Variants in RANBP2 observed in about 807,000 individuals in gnomAD.
RANBP2 encodes the protein E3 SUMO-protein ligase RanBP2.
A neutral mutation model predicts 303.6 loss-of-function variants in RANBP2; 57 were observed. The ratio of observed to expected loss-of-function variants is 0.19; its 90% confidence interval spans 0.15 to 0.23. The LOEUF is 0.23. Ranked by LOEUF, RANBP2 falls within the 10% of genes least tolerant of loss-of-function variation. RANBP2 has a pLI of 1.00. For missense variants in RANBP2, 3,138 were observed against 3,780.8 expected, an observed-to-expected ratio of 0.83 and a Z score of 4.46; for synonymous variants, 1,167 against 1,301.5, an observed-to-expected ratio of 0.90 and a Z score of 2.23.
At chr2:109,498,533 G>A in the RANBP2 span, among the ~76,000 whole-genome samples, 7 of 152,228 alleles carry the variant, frequency 4.6e-5, no homozygotes, top group African/African-American at 1.7e-4. Flanking sequence ...AACACGTGGG[G>A]TGGGGAAGGG....
the RANBP2 span, among the ~76,000 whole-genome samples, chr2:109,077,346 GA>G: frequency 6.6e-6 from 1 of 150,542 alleles, no homozygotes; most frequent in African/African-American, 2.4e-5. Flanking sequence ...TTTTGATAAA[GA>G]TTTTTATGAT....
chr2:109,509,202 A>C, the RANBP2 span, among the ~76,000 whole-genome samples: 1 of 152,050 alleles, frequency 6.6e-6, no homozygotes, highest in African/African-American at 2.4e-5. Flanking sequence ...AGGCAAGAGG[A>C]CCCACCTCAT....
At chr2:109,289,566 G>A in the RANBP2 span, among the ~76,000 whole-genome samples, 2,864 of 152,286 alleles carry the variant, frequency 0.019, 75 homozygotes, top group African/African-American at 0.066. Flanking sequence ...CCATGGTGTA[G>A]CACTGGGATA....
chr2:108,798,648 G>C, the RANBP2 span: 5 of 1,312,464 alleles, frequency 3.8e-6, no homozygotes, highest in Non-Finnish European at 5.3e-6. Flanking sequence ...AGATTCACTA[G>C]TTACTAACAT....
At chr2:109,079,175 C>G in the RANBP2 span, among the ~76,000 whole-genome samples, 1 of 152,164 alleles carries the variant, frequency 6.6e-6, no homozygotes, top group Non-Finnish European at 1.5e-5. Context: ...CCTCCTCCCC[C>G]TCAACTAAAG....
the RANBP2 span, chr2:109,665,343 GTT>G: frequency 8.7e-4 from 106 of 122,072 alleles, no homozygotes; most frequent in African/African-American, 1.1e-3. Context: ...TCGCAAGCAG[GTT>G]TTTTTTTTTT....
the RANBP2 span, among the ~76,000 whole-genome samples, chr2:108,999,682 A>G: frequency 6.6e-6 from 1 of 152,126 alleles, no homozygotes; most frequent in Non-Finnish European, 1.5e-5. Flanking sequence ...CACATTTCCT[A>G]AATATGTGTG....
chr2:109,525,876 T>C, the RANBP2 span, among the ~76,000 whole-genome samples: 4 of 152,152 alleles, frequency 2.6e-5, no homozygotes, highest in African/African-American at 9.7e-5. Flanking sequence ...GTCCTACCAT[T>C]GTCATTGGAA....
the RANBP2 span, among the ~76,000 whole-genome samples, chr2:109,066,396 C>T: frequency 6.6e-6 from 1 of 152,176 alleles, no homozygotes; most frequent in Non-Finnish European, 1.5e-5. Flanking sequence ...CGTGAGCCAC[C>T]GTGCTGGCCG....
chr2:109,241,616 C>A, the RANBP2 span, among the ~76,000 whole-genome samples: 2 of 152,114 alleles, frequency 1.3e-5, no homozygotes, highest in East Asian at 3.9e-4. Flanking sequence ...GTCAGCTCTG[C>A]TGGGAGGGCC....
At chr2:109,190,254 A>G in the RANBP2 span, among the ~76,000 whole-genome samples, 2 of 151,982 alleles carry the variant, frequency 1.3e-5, no homozygotes, top group African/African-American at 4.8e-5. Context: ...GCCCACTGCA[A>G]CCTCCGCCTC....
chr2:109,638,203 T>G, the RANBP2 span, among the ~76,000 whole-genome samples: 1 of 151,610 alleles, frequency 6.6e-6, no homozygotes, highest in Non-Finnish European at 1.5e-5. Flanking sequence ...ACATGGGAGG[T>G]CTTTGTGCTC....
the RANBP2 span, among the ~76,000 whole-genome samples, chr2:108,878,942 T>C: frequency 2.6e-5 from 4 of 152,146 alleles, no homozygotes; most frequent in South Asian, 2.1e-4. Context: ...AAATGAAATA[T>C]ATAGATATAG....
chr2:109,585,978 G>A, the RANBP2 span: 12,065 of 615,638 alleles, frequency 0.02, 703 homozygotes, highest in African/African-American at 0.16. Context: ...AGATACAAGC[G>A]ATTAAGTAAA....
the RANBP2 span, chr2:109,564,387 C>G: frequency 6.4e-7 from 1 of 1,574,680 alleles, no homozygotes; most frequent in Non-Finnish European, 8.6e-7. Flanking sequence ...GTTTTCTGGG[C>G]CCACATCTGT....
At chr2:109,676,069 A>C in the RANBP2 span, among the ~76,000 whole-genome samples, 1 of 152,230 alleles carries the variant, frequency 6.6e-6, no homozygotes, top group Non-Finnish European at 1.5e-5. Context: ...GCTCCTTGTA[A>C]CATCCATCAG....
At chr2:109,591,442 TACTAGTG>T in the RANBP2 span, among the ~76,000 whole-genome samples, 1 of 152,146 alleles carries the variant, frequency 6.6e-6, no homozygotes, top group Non-Finnish European at 1.5e-5. Context: ...CACTAAAGAT[TACTAGTG>T]ACTCTGACAG....
At chr2:108,895,130 G>T in the RANBP2 span, 2 of 152,568 alleles carry the variant, frequency 1.3e-5, no homozygotes, top group East Asian at 3.8e-4. Flanking sequence ...AACCAAATAG[G>T]TTCGAAAAAC....
At chr2:109,629,333 ATATATATATATATATATATATAT>A in the RANBP2 span, among the ~76,000 whole-genome samples, 338 of 10,568 alleles carry the variant, frequency 0.032, 18 homozygotes, top group South Asian at 0.11. Flanking sequence ...ATATATATAT[ATATATATATATATATATATATAT>A]TTTTTTTTTT....
Sources: gnomAD v4.1 joint callset for allele counts (sites outside exome capture counted in the v4.1 genomes callset) on GRCh38, gnomAD v4.1.1 for gene constraint, MANE v1.5 for transcripts, NCBI Gene and HGNC (gene_info 2026-07-23, HGNC 2026-07-21) for gene names.